CTNNA1: variants seen among roughly 807,000 people sequenced by gnomAD.
CTNNA1 encodes the protein catenin alpha-1.
A neutral mutation model predicts 98.4 loss-of-function variants in CTNNA1; 37 were observed. The observed-to-expected ratio is 0.38, with a 90% CI of 0.29 to 0.49. CTNNA1 has a LOEUF of 0.49. Ranked by LOEUF, CTNNA1 falls within the 20% of genes least tolerant of loss-of-function variation. The pLI is 0.95. For synonymous variants in CTNNA1, 404 were observed against 413.2 expected (o/e 0.98, Z 0.27); for missense variants, 761 against 1,147.2 (o/e 0.66, Z 4.86).
At chr5:138,880,699 C>T (rs1752694441) in intron 7 of CTNNA1, 2 of 213,584 alleles carry the variant, frequency 9.4e-6, no homozygotes, top group South Asian at 8.0e-5. Context: ...AGGGGCTATA[C>T]AAAGAAAGCT....
intron 2 of CTNNA1, chr5:138,782,351 A>C (rs765633055): frequency 5.7e-5 from 27 of 477,336 alleles, no homozygotes; most frequent in Non-Finnish European, 8.7e-5. Context: ...CTTGATTGTT[A>C]AGGTCTCTCA....
intron 3 of CTNNA1, among the ~76,000 whole-genome samples, chr5:138,804,896 C>A (rs1304659551): frequency 6.6e-6 from 1 of 152,152 alleles, no homozygotes; most frequent in Admixed American, 6.5e-5. Flanking sequence ...AAAGAAATAC[C>A]TGAAACTGGG....
intron 3 of CTNNA1, among the ~76,000 whole-genome samples, chr5:138,809,030 G>A (rs1242219212): frequency 2.0e-5 from 3 of 151,934 alleles, no homozygotes; most frequent in African/African-American, 7.3e-5. Flanking sequence ...TATCACCCAC[G>A]CTAGAGTGCA....
intron 10 of CTNNA1, among the ~76,000 whole-genome samples, chr5:138,916,169 A>G (rs923473075): frequency 1.3e-5 from 2 of 149,568 alleles, no homozygotes; most frequent in Non-Finnish European, 3.0e-5. Flanking sequence ...AAAGCAAATT[A>G]GTGGTTGCAA....
chr5:138,820,344 G>A (rs1409771047), intron 5 of CTNNA1, among the ~76,000 whole-genome samples: 3 of 151,962 alleles, frequency 2.0e-5, no homozygotes, highest in Non-Finnish European at 4.4e-5. Context: ...TTCCAAGATG[G>A]TATAGCACAG....
chr5:138,881,205 CTGTT>C, intron 7 of CTNNA1: 1 of 424,856 alleles, frequency 2.4e-6, no homozygotes, highest in Non-Finnish European at 4.8e-6. Flanking sequence ...TCTGCAGTGT[CTGTT>C]CTGCTCTTTG....
At chr5:138,800,847 C>T (rs1229795635) in intron 3 of CTNNA1, among the ~76,000 whole-genome samples, 1 of 152,082 alleles carries the variant, frequency 6.6e-6, no homozygotes, top group East Asian at 1.9e-4. Context: ...TGGCTCATGC[C>T]TGCAACCACA....
chr5:138,781,668 G>A (rs1413873635), intron 1 of CTNNA1, among the ~76,000 whole-genome samples: 1 of 152,186 alleles, frequency 6.6e-6, no homozygotes, highest in Non-Finnish European at 1.5e-5. Context: ...TGGTGCTAGA[G>A]AAGCCCAAAG....
chr5:138,827,713 G>C lies in CTNNA1; in HGVS notation c.1057G>C (p.Gly353Arg), dbSNP rs758284033. The C allele has an allele frequency of 1.9e-6, 3 of 1,614,076 alleles. No homozygotes were observed. The highest frequency in any genetic ancestry group is 2.5e-6 in the Non-Finnish European group (3 of 1,179,966). The change falls in exon 7 of 18, where the codon GGC becomes CGC. Residue 353 changes from glycine to arginine, a missense_variant. This residue lies in a region of CTNNA1 where 287 missense variants were observed against 436.0 expected (regional missense o/e 0.66). Coordinates refer to ENST00000302763, the MANE Select transcript of CTNNA1 (RefSeq NM_001903.5). ...GCAGGACCTGCTTTCGGAGTACATG[G>C]GCAATGTGAGTTTGACAGCTTTTCT... Reference protein sequence around the residue: ...ALQDLLSEYMGNAGRKERSDA... With the variant: ...ALQDLLSEYMRNAGRKERSDA...
At chr5:138,930,016 G>A (rs1294111858) in intron 14 of CTNNA1, among the ~76,000 whole-genome samples, 1 of 152,190 alleles carries the variant, frequency 6.6e-6, no homozygotes, top group Non-Finnish European at 1.5e-5. Context: ...CTCAAGTATG[G>A]CCTGAGTGCC....
At chr5:138,820,141 A>C (rs1759883668) in intron 5 of CTNNA1, among the ~76,000 whole-genome samples, 1 of 151,332 alleles carries the variant, frequency 6.6e-6, no homozygotes, top group African/African-American at 2.4e-5. Context: ...GGGCTAATAC[A>C]GGGAGAGAAG....
At chr5:138,930,263 C>T (rs1173717937) in intron 14 of CTNNA1, among the ~76,000 whole-genome samples, 1 of 152,156 alleles carries the variant, frequency 6.6e-6, no homozygotes, top group Non-Finnish European at 1.5e-5. Flanking sequence ...TCCTTCCACA[C>T]TAAAACTTGT....
chr5:138,808,727 T>A (rs112656475), intron 3 of CTNNA1, among the ~76,000 whole-genome samples: 1 of 148,976 alleles, frequency 6.7e-6, no homozygotes, highest in African/African-American at 2.5e-5. Flanking sequence ...GACATGAGAG[T>A]GTGAATGGGT....
chr5:138,932,831 C>G, intron 17 of CTNNA1, 119 bp downstream of exon 17: 1 of 1,284,168 alleles, frequency 7.8e-7, no homozygotes, highest in Non-Finnish European at 1.1e-6. Context: ...TGCAGAAACT[C>G]CAAGTCCTGT....
At position 138,873,116 on chromosome 5, in the gene CTNNA1, C is replaced by T; in HGVS notation, c.1063-13096C>T. On this transcript the variant is annotated intron_variant, in intron 7 of 17. Coordinates refer to ENST00000302763, the MANE Select transcript of CTNNA1 (RefSeq NM_001903.5). The surrounding 1 kb of genome is among the most constrained non-coding windows in gnomAD (Gnocchi z 6.1). ...GGTGGGTTCATATTCATTATACGGT[C>T]CTTGGTCTGACATGTTTGACATATG... The T allele has an allele frequency of 6.2e-7, 1 of 1,613,850 alleles. No homozygotes were observed. Among genetic ancestry groups the T allele is most frequent in the South Asian group, 1.1e-5 (1 of 91,068 alleles).
chr5:138,899,765 C>G (rs1181915316), intron 9 of CTNNA1, among the ~76,000 whole-genome samples: 1 of 152,202 alleles, frequency 6.6e-6, no homozygotes, highest in East Asian at 1.9e-4. Flanking sequence ...CTTTTCTAGC[C>G]TCTGACAATT....
chr5:138,826,747 G>A (rs906868958), intron 6 of CTNNA1, among the ~76,000 whole-genome samples: 9 of 152,208 alleles, frequency 5.9e-5, no homozygotes, highest in Admixed American at 2.0e-4. Flanking sequence ...CATTGTAAAT[G>A]CATTTCTTTC....
chr5:138,867,998 C>A (rs1295864852), intron 7 of CTNNA1, among the ~76,000 whole-genome samples: 1 of 152,146 alleles, frequency 6.6e-6, no homozygotes, highest in Non-Finnish European at 1.5e-5. Context: ...GTGATCCACC[C>A]ACCTCAGCCT....
intron 13 of CTNNA1, among the ~76,000 whole-genome samples, chr5:138,925,831 T>TG (rs890800088): frequency 2.6e-5 from 4 of 152,122 alleles, no homozygotes; most frequent in African/African-American, 9.7e-5. Context: ...CCCAGGGTGT[T>TG]GGGGGGAGGA....
Sources: allele counts gnomAD v4.1 joint callset (sites outside exome capture counted in the v4.1 genomes callset), GRCh38; gene constraint gnomAD v4.1.1; regional missense constraint gnomAD v4.1.1; non-coding constraint Gnocchi (gnomAD v3.1); transcripts MANE v1.5; gene names NCBI Gene and HGNC (gene_info 2026-07-23, HGNC 2026-07-21).